The following USP49 variants were observed in gnomAD, a reference collection of about 807,000 sequenced individuals.
USP49 encodes ubiquitin specific peptidase 49.
In USP49, 24 loss-of-function variants were observed where a neutral mutation model predicts 58.6. That is an observed-to-expected ratio of 0.41 (90% CI 0.30 to 0.58). USP49 has a LOEUF of 0.58. Ranked by LOEUF, USP49 falls within the 20% of genes least tolerant of loss-of-function variation. The pLI, the probability that USP49 is intolerant of heterozygous loss-of-function variation, is 0.30. For missense variants in USP49, 703 were observed against 866.1 expected (o/e 0.81, Z 2.36); for synonymous variants, 408 against 365.1 (o/e 1.12, Z -1.34).
chr6:41,843,682 C>T lies in USP49; in HGVS notation c.-29+27882G>A, dbSNP rs561332313. Among the ~76,000 whole-genome samples, 113 of 151,954 alleles carry T rather than the reference C, an allele frequency of 7.4e-4. 1 individual carries two copies. The highest frequency in any genetic ancestry group is 2.7e-3 in the African/African-American group (111 of 41,454). On this transcript the variant is annotated intron_variant, in intron 3 of 7. Transcript: ENST00000682992. ...TAGCAGTATGGGAGGCTAAGGCGGG[C>T]GGAGTTCCTGAGCTCAGGAGTTCCA...
chr6:41,876,340 T>C (rs1774504260), intron 2 of USP49, among the ~76,000 whole-genome samples: 1 of 141,270 alleles, frequency 7.1e-6, no homozygotes, highest in Non-Finnish European at 1.6e-5. Flanking sequence ...TGGTACAAAG[T>C]CTATAAGAAT....
chr6:41,861,889 C>T (rs1204509403), intron 3 of USP49, among the ~76,000 whole-genome samples: 7 of 152,126 alleles, frequency 4.6e-5, no homozygotes, highest in East Asian at 3.9e-4. Flanking sequence ...TTAGTAGAGA[C>T]GGGGTTTCAC....
chr6:41,867,772 CCAAACAAA>C (rs758230141), intron 3 of USP49, among the ~76,000 whole-genome samples: 6 of 151,356 alleles, frequency 4.0e-5, no homozygotes, highest in Non-Finnish European at 8.8e-5. Flanking sequence ...CAAACAAAAA[CCAAACAAA>C]CAAACAAACA....
intron 3 of USP49, among the ~76,000 whole-genome samples, chr6:41,843,173 CTAAG>C (rs769496906): frequency 6.6e-6 from 1 of 152,202 alleles, no homozygotes; most frequent in Non-Finnish European, 1.5e-5. Flanking sequence ...CCACGCCTGG[CTAAG>C]TATGTGTCTT....
intron 3 of USP49, among the ~76,000 whole-genome samples, chr6:41,833,663 G>C (rs754522985): frequency 6.6e-6 from 1 of 152,140 alleles, no homozygotes; most frequent in Admixed American, 6.5e-5. Context: ...AGTTCTTATT[G>C]GTATGGGTAA....
intron 2 of USP49, 39 bp downstream of exon 2, chr6:41,891,755 G>A (rs1476625872): frequency 6.6e-6 from 1 of 152,172 alleles, no homozygotes; most frequent in Non-Finnish European, 1.5e-5. Context: ...CATTACTGCT[G>A]AAGATTTGTT....
At position 41,807,013 on chromosome 6, in the gene USP49, T is replaced by A; in HGVS notation, c.-28-2A>T. 1.4e-6 allele frequency: 2 copies of A among 1,386,016 alleles called. No individual in the cohort carries two copies. Among genetic ancestry groups the A allele is most frequent in the South Asian group, 4.2e-5 (2 of 48,108 alleles). The allele number at this position is 1,386,016 out of a possible 1,614,324, so 85.9% of individuals were successfully genotyped here. A position where few individuals can be genotyped will look rare whatever the true frequency, so the allele number is the denominator to read the frequency against. On this transcript the variant is annotated splice_acceptor_variant, in intron 3 of 7. Coordinates refer to ENST00000682992, the MANE Select transcript of USP49 (RefSeq NM_001286554.2). LOFTEE classifies it low-confidence loss of function (5UTR_SPLICE). ...TATAGAAGTCGCCACTTTCTCAACCTGGCACGACAGAGTCCCCAAAAAAGA... is the reference window on the plus strand; with the variant it reads ...TATAGAAGTCGCCACTTTCTCAACCAGGCACGACAGAGTCCCCAAAAAAGA...
intron 3 of USP49, among the ~76,000 whole-genome samples, chr6:41,858,399 A>C (rs901607316): frequency 1.3e-5 from 2 of 152,128 alleles, no homozygotes; most frequent in African/African-American, 4.8e-5. Context: ...TCCCTATCTC[A>C]AGATTCCTTC....
intron 3 of USP49, among the ~76,000 whole-genome samples, chr6:41,809,115 T>G (rs1773197576): frequency 1.3e-5 from 2 of 151,976 alleles, no homozygotes; most frequent in South Asian, 4.2e-4. Flanking sequence ...TCTCACTATG[T>G]TGCCCAGGCT....
chr6:41,869,647 T>G (rs1305016716), intron 3 of USP49: 3 of 151,636 alleles, frequency 2.0e-5, no homozygotes, highest in Non-Finnish European at 4.4e-5. Context: ...GAGGTGGAAG[T>G]TGCAGTGAAC....
At chr6:41,891,272 T>C (rs1007310665) in intron 2 of USP49, among the ~76,000 whole-genome samples, 5 of 152,232 alleles carry the variant, frequency 3.3e-5, no homozygotes, top group Non-Finnish European at 7.3e-5. Context: ...GGTAGAATTC[T>C]AGCTTTTGAA....
chr6:41,797,212 G>A (rs568049616), intron 7 of USP49, among the ~76,000 whole-genome samples: 1 of 152,162 alleles, frequency 6.6e-6, no homozygotes, highest in South Asian at 2.1e-4. Flanking sequence ...CGCCCGCCTC[G>A]GCCTCCCAGA....
intron 7 of USP49, among the ~76,000 whole-genome samples, chr6:41,796,985 T>C (rs1178384302): frequency 2.0e-5 from 3 of 146,656 alleles, no homozygotes; most frequent in African/African-American, 7.6e-5. Flanking sequence ...AGTCTCGCTC[T>C]GTCACCCAGG....
rs1273884701 is a variant in USP49, at chr6:41,807,025, G to T, written c.-28-14C>A. The T allele has an allele frequency of 2.2e-6, 3 of 1,336,854 alleles. No individual in the cohort carries two copies. In the East Asian group the frequency reaches 8.2e-5, roughly 37 times the overall value. 82.8% of individuals were successfully genotyped at this position (1,336,854 alleles called of 1,614,324 possible). On this transcript the variant is annotated splice_polypyrimidine_tract_variant and intron_variant, in intron 3 of 7. Coordinates refer to ENST00000682992, the MANE Select transcript of USP49 (RefSeq NM_001286554.2). ...CACTTTCTCAACCTGGCACGACAGA[G>T]TCCCCAAAAAAGAAAAAGAAAAAGA... is the stretch of plus-strand genomic sequence containing the variant.
intron 3 of USP49, among the ~76,000 whole-genome samples, chr6:41,843,474 G>A (rs1773864662): frequency 6.6e-6 from 1 of 152,146 alleles, no homozygotes; most frequent in Non-Finnish European, 1.5e-5. Context: ...TTGTATATCT[G>A]CATTTGTGGA....
intron 3 of USP49, among the ~76,000 whole-genome samples, chr6:41,821,812 T>C (rs1352766026): frequency 6.6e-6 from 1 of 152,170 alleles, no homozygotes; most frequent in African/African-American, 2.4e-5. Flanking sequence ...GCTCATCCTA[T>C]ACATTTATAA....
intron 3 of USP49, among the ~76,000 whole-genome samples, chr6:41,822,187 C>T (rs1012321822): frequency 1.3e-5 from 2 of 152,190 alleles, no homozygotes; most frequent in Non-Finnish European, 2.9e-5. Context: ...CCAAGAATTG[C>T]TTTCCCAGCT....
chr6:41,826,361 AAAT>A (rs1053296518), intron 3 of USP49, among the ~76,000 whole-genome samples: 9 of 152,310 alleles, frequency 5.9e-5, no homozygotes, highest in African/African-American at 1.9e-4. Flanking sequence ...GCAAAATACA[AAAT>A]AATACATATT....
chr6:41,862,304 T>C (rs542372165), intron 3 of USP49, among the ~76,000 whole-genome samples: 9 of 152,208 alleles, frequency 5.9e-5, no homozygotes, highest in Non-Finnish European at 1.3e-4. Context: ...ACCAGTAGTA[T>C]TTGAGAATGC....
Sources: gnomAD v4.1 joint callset for allele counts (sites outside exome capture counted in the v4.1 genomes callset) on GRCh38, gnomAD v4.1.1 for gene constraint, MANE v1.5 for transcripts, NCBI Gene and HGNC (gene_info 2026-07-23, HGNC 2026-07-21) for gene names.